UNC13B: variants seen among roughly 807,000 people sequenced by gnomAD.
UNC13B encodes the protein unc-13 homolog B.
In UNC13B, 144 loss-of-function variants were observed where a neutral mutation model predicts 211.0. The observed-to-expected ratio is 0.68, with a 90% CI of 0.60 to 0.78. The LOEUF (loss-of-function observed/expected upper bound fraction) is 0.78. Ranked by LOEUF, UNC13B falls within the 30% of genes least tolerant of loss-of-function variation. The pLI, the probability that UNC13B is intolerant of heterozygous loss-of-function variation, is 0.00. For missense variants in UNC13B, 1,777 were observed against 2,002.0 expected, an observed-to-expected ratio of 0.89 and a Z score of 2.14; for synonymous variants, 709 against 725.8, an observed-to-expected ratio of 0.98 and a Z score of 0.37.
At chr9:35,320,983 A>G (rs1210233105) in intron 11 of UNC13B, among the ~76,000 whole-genome samples, 2 of 152,186 alleles carry the variant, frequency 1.3e-5, no homozygotes, top group Non-Finnish European at 2.9e-5. Context: ...CTTAAAGTCA[A>G]TAATAGCAGA....
intron 9 of UNC13B, among the ~76,000 whole-genome samples, chr9:35,309,792 A>G (rs1460907806): frequency 2.0e-5 from 3 of 152,146 alleles, no homozygotes; most frequent in African/African-American, 7.2e-5. Flanking sequence ...ACAGATGTTC[A>G]TCTTTGGGAC....
intron 37 of UNC13B, among the ~76,000 whole-genome samples, chr9:35,400,721 C>G (rs188629565): frequency 1.3e-5 from 2 of 152,130 alleles, no homozygotes; most frequent in Non-Finnish European, 2.9e-5. Context: ...AGGAATATAC[C>G]CTGACTGGTA....
chr9:35,352,486 AT>A, intron 11 of UNC13B: 1 of 1,232,056 alleles, frequency 8.1e-7, no homozygotes, highest in East Asian at 3.2e-5. Flanking sequence ...AGTCTATATC[AT>A]TTTTTCAACA....
chr9:35,217,388 T>G (rs1191345114), intron 1 of UNC13B, among the ~76,000 whole-genome samples: 3 of 149,204 alleles, frequency 2.0e-5, no homozygotes, highest in Non-Finnish European at 4.4e-5. Flanking sequence ...TGTTTGTTTG[T>G]TTTTTTTGTT....
chr9:35,385,094 C>T (rs1835106063), intron 22 of UNC13B: 3 of 985,364 alleles, frequency 3.0e-6, no homozygotes, highest in Non-Finnish European at 3.6e-6. Context: ...AAAAACTGAC[C>T]ATTAATGTGA....
At chr9:35,216,177 T>C (rs1224257209) in intron 1 of UNC13B, among the ~76,000 whole-genome samples, 2 of 152,242 alleles carry the variant, frequency 1.3e-5, no homozygotes, top group Non-Finnish European at 2.9e-5. Context: ...TCTCAACAGA[T>C]GCAGAAAAAG....
chr9:35,295,573 T>C (rs1423570335), intron 7 of UNC13B, 123 bp from the exon 8 acceptor site: 3 of 834,226 alleles, frequency 3.6e-6, no homozygotes, highest in African/African-American at 1.7e-5. Context: ...ACTGGGCTCA[T>C]GTGAAGCTCA....
At chr9:35,210,267 C>G (rs913103544) in intron 1 of UNC13B, among the ~76,000 whole-genome samples, 3 of 152,162 alleles carry the variant, frequency 2.0e-5, no homozygotes, top group Non-Finnish European at 4.4e-5. Context: ...ATAGTTTTCA[C>G]TAGCTACATG....
intron 1 of UNC13B, among the ~76,000 whole-genome samples, chr9:35,196,803 C>T: frequency 6.6e-6 from 1 of 152,304 alleles, no homozygotes; most frequent in African/African-American, 2.4e-5. Context: ...CATGGTCTTG[C>T]TCTGTTGCTC....
At chr9:35,270,819 T>A (rs1827833691) in intron 7 of UNC13B, among the ~76,000 whole-genome samples, 1 of 152,056 alleles carries the variant, frequency 6.6e-6, no homozygotes, top group Non-Finnish European at 1.5e-5. Flanking sequence ...GCATGTGGAT[T>A]TCCAGTTGTC....
intron 7 of UNC13B, among the ~76,000 whole-genome samples, chr9:35,275,702 C>G (rs1008210296): frequency 6.6e-6 from 1 of 152,048 alleles, no homozygotes; most frequent in Non-Finnish European, 1.5e-5. Flanking sequence ...AAGTGATTCC[C>G]CTTCCTCAAC....
In UNC13B at chr9:35,404,221, C is replaced by T; in HGVS notation, c.*188C>T. On this transcript the variant is annotated 3_prime_UTR_variant, in exon 40 of 40. Coordinates refer to ENST00000635942, the MANE Select transcript of UNC13B (RefSeq NM_001371189.2). Reference sequence around the variant, plus strand: ...ACAGAAAGGGTCATGAAGCCCTGGCCCAACAGGACTGTGGTACTAGGGGCT... The same window carrying T: ...ACAGAAAGGGTCATGAAGCCCTGGCTCAACAGGACTGTGGTACTAGGGGCT... 1 of 726,088 alleles carries T rather than the reference C, an allele frequency of 1.4e-6. No homozygotes were observed. Among genetic ancestry groups the T allele is most frequent in the Non-Finnish European group, 2.2e-6 (1 of 454,570 alleles). The allele number at this position is 726,088 out of a possible 1,614,324, so 45.0% of individuals were successfully genotyped here. A position where few individuals can be genotyped will look rare whatever the true frequency, so the allele number is the denominator to read the frequency against.
intron 6 of UNC13B, among the ~76,000 whole-genome samples, chr9:35,248,968 C>T (rs1826279512): frequency 6.6e-6 from 1 of 152,064 alleles, no homozygotes; most frequent in Non-Finnish European, 1.5e-5. Context: ...TAAAGTCTCC[C>T]ATTATTATTG....
intron 1 of UNC13B, among the ~76,000 whole-genome samples, chr9:35,221,281 G>T (rs1006381178): frequency 3.9e-5 from 6 of 152,074 alleles, no homozygotes; most frequent in Non-Finnish European, 8.8e-5. Flanking sequence ...TGTTGCCCAG[G>T]CTGGTCTGGA....
intron 1 of UNC13B, among the ~76,000 whole-genome samples, chr9:35,213,517 T>C (rs189369191): frequency 3.9e-5 from 6 of 152,298 alleles, no homozygotes; most frequent in African/African-American, 1.2e-4. Flanking sequence ...CCTGACCTAA[T>C]ACATAAGGCA....
At chr9:35,378,539 G>C (rs1834602088) in intron 17 of UNC13B, 103 bp downstream of exon 17, 1 of 1,485,982 alleles carries the variant, frequency 6.7e-7, no homozygotes, top group African/African-American at 1.4e-5. Flanking sequence ...GGCAAAGGCA[G>C]GGGAGAAAAC....
At chr9:35,354,299 A>G (rs1196335840) in intron 11 of UNC13B, among the ~76,000 whole-genome samples, 1 of 152,096 alleles carries the variant, frequency 6.6e-6, no homozygotes, top group East Asian at 1.9e-4. Context: ...TAAGATTGCC[A>G]TTTCCCCAGT....
At chr9:35,336,444 G>A (rs1418739204) in intron 11 of UNC13B, among the ~76,000 whole-genome samples, 1 of 152,036 alleles carries the variant, frequency 6.6e-6, no homozygotes, top group Non-Finnish European at 1.5e-5. Flanking sequence ...TTTTCATTAC[G>A]CCTGTTAACA....
intron 7 of UNC13B, 150 bp downstream of exon 7, chr9:35,259,200 T>A: frequency 1.3e-6 from 1 of 789,200 alleles, no homozygotes; most frequent in Non-Finnish European, 2.0e-6. Context: ...CGCCTTTCTC[T>A]GATGGCTGTC....
Sources: allele counts gnomAD v4.1 joint callset (sites outside exome capture counted in the v4.1 genomes callset), GRCh38; gene constraint gnomAD v4.1.1; transcripts MANE v1.5; gene names NCBI Gene and HGNC (gene_info 2026-07-23, HGNC 2026-07-21).